Variants in MYO3B observed in about 807,000 individuals in gnomAD.
The protein encoded by MYO3B is myosin-IIIb.
A neutral mutation model predicts 174.6 loss-of-function variants in MYO3B; 156 were observed. That is an observed-to-expected ratio of 0.89 (90% CI 0.78 to 1.02). The LOEUF (loss-of-function observed/expected upper bound fraction) is 1.02, where lower values mean the gene tolerates loss of function less well. MYO3B is among the 50% of genes least tolerant of loss of function. MYO3B has a pLI of 0.00. For synonymous variants in MYO3B, 563 were observed against 569.1 expected (o/e 0.99, Z 0.15); for missense variants, 1,632 against 1,639.4 (o/e 1.00, Z 0.08).
intron 30 of MYO3B, among the ~76,000 whole-genome samples, chr2:170,533,425 T>TGGGGGGGGG (rs10706524): frequency 5.2e-5 from 6 of 115,720 alleles, no homozygotes; most frequent in South Asian, 2.8e-4. Flanking sequence ...TTTGTGGGGG[T>TGGGGGGGGG]GGGGGGGGGG....
rs144340832 is a variant in MYO3B at position 170,630,996 on chromosome 2, T to G, written c.3734-20632T>G. On this transcript the variant is annotated intron_variant, in intron 32 of 34. Transcript: ENST00000408978. ...AAAATTCTAAAAACCAGAGTGCCCC[T>G]TCTCCTCCAAAGGAACGCAGCTCCT... 7.2e-3 allele frequency among the ~76,000 whole-genome samples: 1,099 copies of G among 152,310 alleles called. 10 individuals are homozygous for G. The highest frequency in any genetic ancestry group is 0.025 in the African/African-American group (1,035 of 41,568).
chr2:170,571,422 C>G (rs1001014091), intron 32 of MYO3B, among the ~76,000 whole-genome samples: 1 of 152,038 alleles, frequency 6.6e-6, no homozygotes, highest in South Asian at 2.1e-4. Flanking sequence ...AGAGTGTAGG[C>G]TGAGTTCTGA....
intron 22 of MYO3B, among the ~76,000 whole-genome samples, chr2:170,442,771 C>A (rs80329298): frequency 0.21 from 31,456 of 151,958 alleles, 3,902 homozygotes; most frequent in Middle Eastern, 0.27. Context: ...TCTGTCCTTG[C>A]GATAGTTTGC....
At chr2:170,408,249 T>G (rs576512995) in intron 22 of MYO3B, among the ~76,000 whole-genome samples, 28 of 152,338 alleles carry the variant, frequency 1.8e-4, no homozygotes, top group African/African-American at 6.0e-4. Flanking sequence ...AGGAGTGTGT[T>G]GAATCAGAGT....
intron 25 of MYO3B, 57 bp downstream of exon 25, chr2:170,466,768 CCCTGTGTCCTAAG>C: frequency 6.6e-7 from 1 of 1,526,468 alleles, no homozygotes; most frequent in South Asian, 1.2e-5. Flanking sequence ...CTCTGGCCAT[CCCTGTGTCCTAAG>C]ATTGTTCCTC....
At chr2:170,599,367 C>T (rs1008622922) in intron 32 of MYO3B, among the ~76,000 whole-genome samples, 48 of 152,314 alleles carry the variant, frequency 3.2e-4, no homozygotes, top group African/African-American at 1.1e-3. Context: ...TATTACTCCC[C>T]AAGATTTGTA....
intron 23 of MYO3B, among the ~76,000 whole-genome samples, chr2:170,450,364 A>G (rs1305723743): frequency 2.0e-5 from 3 of 152,216 alleles, no homozygotes; most frequent in Non-Finnish European, 4.4e-5. Context: ...AGTTTGTCAC[A>G]TATCAAAGGT....
At chr2:170,541,802 C>T (rs1690127701) in intron 30 of MYO3B, among the ~76,000 whole-genome samples, 1 of 152,078 alleles carries the variant, frequency 6.6e-6, no homozygotes. Context: ...GCTTACATTC[C>T]ATTGTGGGAG....
chr2:170,208,520 G>C (rs182540623), intron 3 of MYO3B, among the ~76,000 whole-genome samples: 152 of 152,214 alleles, frequency 1.0e-3, no homozygotes, highest in African/African-American at 3.6e-3. Flanking sequence ...TAATTGCTCA[G>C]AACTAGAATT....
chr2:170,474,743 C>CAA (rs55913448), intron 25 of MYO3B, among the ~76,000 whole-genome samples: 20 of 37,592 alleles, frequency 5.3e-4, no homozygotes, highest in Admixed American at 8.8e-4. Flanking sequence ...AACTCCGTCT[C>CAA]AAAAAAAAAA....
chr2:170,583,503 A>G (rs1278328487), intron 32 of MYO3B, among the ~76,000 whole-genome samples: 1 of 152,270 alleles, frequency 6.6e-6, no homozygotes, highest in East Asian at 1.9e-4. Context: ...GTCTGTATTC[A>G]TATATAAACC....
Position 170,653,191 on chromosome 2 carries a change from T to C in MYO3B, c.*70T>C, listed in dbSNP as rs531424302. ...TGGTAATCGACTGTCTGTCATTGCG[T>C]AAGAAAGCACTGATATGGGGTCAGC... On this transcript the variant is annotated 3_prime_UTR_variant, in exon 35 of 35. Transcript: ENST00000408978. The C allele has an allele frequency of 3.8e-5, 60 of 1,586,696 alleles. No individual in the cohort carries two copies. The African/African-American group carries it at 7.1e-4, about 19-fold the overall frequency.
intron 6 of MYO3B, among the ~76,000 whole-genome samples, chr2:170,231,372 A>C (rs1490261270): frequency 2.6e-5 from 4 of 152,238 alleles, no homozygotes; most frequent in Non-Finnish European, 1.5e-5. Context: ...CTTCTCCAGA[A>C]AGAAAAGTTT....
At chr2:170,616,151 A>G (rs1695452101) in intron 32 of MYO3B, among the ~76,000 whole-genome samples, 1 of 152,238 alleles carries the variant, frequency 6.6e-6, no homozygotes, top group Non-Finnish European at 1.5e-5. Context: ...ACGTGAAGCT[A>G]GACAACCGGT....
chr2:170,363,183 C>G (rs910016562), intron 8 of MYO3B, among the ~76,000 whole-genome samples: 1 of 151,826 alleles, frequency 6.6e-6, no homozygotes, highest in Non-Finnish European at 1.5e-5. Flanking sequence ...AAGAAAATAG[C>G]AGGAAGTATA....
At chr2:170,478,629 T>C (rs919992609) in intron 25 of MYO3B, among the ~76,000 whole-genome samples, 2 of 143,934 alleles carry the variant, frequency 1.4e-5, no homozygotes, top group African/African-American at 5.1e-5. Flanking sequence ...AGTACAGTAA[T>C]GCGATCTCAG....
chr2:170,443,122 G>C (rs1047807455), intron 22 of MYO3B, among the ~76,000 whole-genome samples: 2 of 152,180 alleles, frequency 1.3e-5, no homozygotes, highest in African/African-American at 4.8e-5. Flanking sequence ...TAGTGTAAAA[G>C]TGTTCCTATT....
Position 170,519,546 on chromosome 2 carries a change from C to A in MYO3B, c.3575+6C>A. 1 of 1,610,206 alleles carries A rather than the reference C, an allele frequency of 6.2e-7. No homozygotes were observed. Among genetic ancestry groups the A allele is most frequent in the Non-Finnish European group, 8.5e-7 (1 of 1,176,668 alleles). ...GCTGTCACAGAGAAAAATGGGTGAG[C>A]ATTATCTGCTAAGAGTTCCCTGTTG... On this transcript the variant is annotated splice_donor_region_variant and intron_variant, in intron 30 of 34. Coordinates refer to ENST00000408978, the MANE Select transcript of MYO3B (RefSeq NM_138995.5).
At chr2:170,211,938 T>C (rs1293357552) in intron 3 of MYO3B, among the ~76,000 whole-genome samples, 1 of 137,278 alleles carries the variant, frequency 7.3e-6, no homozygotes, top group Non-Finnish European at 1.6e-5. Context: ...GTAAAATGTT[T>C]TCTTAAAAAA....
Sources: allele counts gnomAD v4.1 joint callset (sites outside exome capture counted in the v4.1 genomes callset), GRCh38; gene constraint gnomAD v4.1.1; transcripts MANE v1.5; gene names NCBI Gene and HGNC (gene_info 2026-07-23, HGNC 2026-07-21).